RBM39: variants seen among roughly 807,000 people sequenced by gnomAD.
RBM39 encodes the protein RNA-binding protein 39.
In RBM39, 12 loss-of-function variants were observed where a neutral mutation model predicts 79.6. That is an observed-to-expected ratio of 0.15 (90% CI 0.10 to 0.24). RBM39 has a LOEUF of 0.24. Ranked by LOEUF, RBM39 falls within the 10% of genes least tolerant of loss-of-function variation. RBM39 has a pLI of 1.00. For synonymous variants in RBM39, 185 were observed against 208.4 expected, an observed-to-expected ratio of 0.89 and a Z score of 0.97; for missense variants, 243 against 653.4, an observed-to-expected ratio of 0.37 and a Z score of 6.85.
At chr20:35,737,883 GT>G (rs1362141419) in intron 3 of RBM39, among the ~76,000 whole-genome samples, 1 of 147,984 alleles carries the variant, frequency 6.8e-6, no homozygotes, top group African/African-American at 2.5e-5. Context: ...GCCAGGCGCG[GT>G]GGCTCACACC....
At chr20:35,727,774 C>G (rs1194855946) in intron 6 of RBM39, among the ~76,000 whole-genome samples, 1 of 152,076 alleles carries the variant, frequency 6.6e-6, no homozygotes, top group African/African-American at 2.4e-5. Flanking sequence ...CTCAGCCTCC[C>G]GAGTAGCTGG....
chr20:35,732,117 G>C lies in RBM39; in HGVS notation c.120C>G (p.Ser40Arg). Residue 40 changes from serine to arginine, a missense_variant, in exon 4 of 17, where the codon AGC (serine) becomes AGG (arginine). Around this residue, in one of 4 missense-constraint regions of RBM39, gnomAD observed 115 missense variants for 184.1 expected, o/e 0.62. Transcript: ENST00000253363. The stretch of plus-strand genomic sequence containing the variant: ...TCTTTCGTTCATGACTACGACTTCT[G>C]CTCTTGCTTTTTTTCCTCCTGAGAA... ...ERSKKRKKSK[S>R]RSRSHERKRS... 6.2e-7 allele frequency: 1 copy of C among 1,613,500 alleles called. No individual in the cohort carries two copies.
At position 35,703,319 on chromosome 20, in the gene RBM39, T is replaced by G. The variant is rs963423903; in HGVS notation, c.*1162A>C. 8 of 152,174 alleles carry G rather than the reference T, an allele frequency of 5.3e-5. No individual in the cohort carries two copies. In the East Asian group the frequency reaches 5.8e-4, roughly 11 times the overall value. The allele number at this position is 152,174 out of a possible 1,614,324, so 9.4% of individuals were successfully genotyped here. On this transcript the variant is annotated 3_prime_UTR_variant, in exon 17 of 17. Transcript: ENST00000253363. ...AGTATGTATTGTAAATGGTGAAAAT[T>G]TCTTCATAAATATGCCCAGACAATG...
At position 35,729,592 on chromosome 20, in the gene RBM39, C is replaced by G. The variant is rs896011071; in HGVS notation, c.297-65G>C. The G allele has an allele frequency of 8.6e-6, 12 of 1,401,462 alleles. No individual in the cohort carries two copies. In the East Asian group the frequency reaches 2.5e-4, roughly 29 times the overall value. The allele number at this position is 1,401,462 out of a possible 1,614,324, so 86.8% of individuals were successfully genotyped here. A position where few individuals can be genotyped will look rare whatever the true frequency, so the allele number is the denominator to read the frequency against. ...GGGTCTTGCTAAGATCGCATTCATGCGCTCTCCAGCAAGACTAACATTGTT... is the reference window on the plus strand; with the variant it reads ...GGGTCTTGCTAAGATCGCATTCATGGGCTCTCCAGCAAGACTAACATTGTT... On this transcript the variant is annotated intron_variant, in intron 4 of 16. Coordinates refer to ENST00000253363, the MANE Select transcript of RBM39 (RefSeq NM_184234.3).
At chr20:35,741,842 AC>A (rs1017907168) in intron 1 of RBM39, 98 bp downstream of exon 1, 1 of 157,156 alleles carries the variant, frequency 6.4e-6, no homozygotes, top group African/African-American at 2.4e-5. Context: ...ACCACCCCCC[AC>A]CCCGGTCGCT....
intron 13 of RBM39, chr20:35,707,430 C>A: frequency 3.1e-6 from 1 of 321,030 alleles, no homozygotes; most frequent in Non-Finnish European, 5.7e-6. Context: ...TTTGGGAGTC[C>A]TATTTTAACA....
rs545083224 is a variant in RBM39, at chr20:35,702,651, T to C, written c.*1830A>G. The C allele has an allele frequency of 6.6e-6, 1 of 152,398 alleles. No individual in the cohort carries two copies. Among genetic ancestry groups the C allele is most frequent in the East Asian group, 1.9e-4 (1 of 5,192 alleles). 9.4% of individuals were successfully genotyped at this position (152,398 alleles called of 1,614,324 possible). On this transcript the variant is annotated 3_prime_UTR_variant, in exon 17 of 17. Transcript: ENST00000253363. ...CTGGTATTGAAAAGTAAATTTTCAA[T>C]GAGGCTGGGCGCGGTGGCTCATGCC... is the stretch of plus-strand genomic sequence containing the variant.
chr20:35,719,252 G>A (rs898000661), intron 9 of RBM39, among the ~76,000 whole-genome samples: 14 of 152,038 alleles, frequency 9.2e-5, no homozygotes, highest in African/African-American at 2.4e-4. Context: ...GACTGGTCTC[G>A]AACTCCTCAC....
intron 2 of RBM39, chr20:35,739,858 G>A (rs1189541808): frequency 2.3e-5 from 4 of 176,336 alleles, no homozygotes; most frequent in Admixed American, 1.2e-4. Flanking sequence ...AAGGTTTAGT[G>A]AAATGTTTAT....
intron 3 of RBM39, chr20:35,734,989 T>G: frequency 6.8e-6 from 11 of 1,611,342 alleles, no homozygotes; most frequent in Non-Finnish European, 9.3e-6. Context: ...TTTGGACTTT[T>G]TGGTTATATG....
rs1402538244 is a variant in RBM39, at chr20:35,740,807, G to C, written c.51+17C>G. ...AATTAAGAAATATATAAACCTCACC[G>C]ACATGTTTTTTCTCACCTTCTTGTA... On this transcript the variant is annotated intron_variant, in intron 2 of 16. Transcript: ENST00000253363. 6.2e-7 allele frequency: 1 copy of C among 1,601,882 alleles called. No homozygotes were observed. Among genetic ancestry groups the C allele is most frequent in the South Asian group, 1.1e-5 (1 of 89,680 alleles).
At chr20:35,718,474 G>A (rs932321926) in intron 9 of RBM39, among the ~76,000 whole-genome samples, 47 of 152,048 alleles carry the variant, frequency 3.1e-4, no homozygotes, top group African/African-American at 1.0e-3. Context: ...TCAGGAGTTC[G>A]AGACCAGCCT....
intron 3 of RBM39, chr20:35,735,038 A>C: frequency 1.3e-6 from 2 of 1,589,882 alleles, no homozygotes; most frequent in Non-Finnish European, 1.7e-6. Context: ...ACTGGATTTG[A>C]CCTCTTCCAT....
chr20:35,702,905 T>G lies in RBM39; in HGVS notation c.*1576A>C, dbSNP rs909060539. 1 of 152,188 alleles carries G rather than the reference T, an allele frequency of 6.6e-6. No homozygotes were observed. Among genetic ancestry groups the G allele is most frequent in the Non-Finnish European group, 1.5e-5 (1 of 68,036 alleles). The allele number at this position is 152,188 out of a possible 1,614,324, so 9.4% of individuals were successfully genotyped here. A position where few individuals can be genotyped will look rare whatever the true frequency, so the allele number is the denominator to read the frequency against. On this transcript the variant is annotated 3_prime_UTR_variant, in exon 17 of 17. Transcript: ENST00000253363. ...GCCTGGGCCAAAGAGCAAGACTCCA[T>G]CTCAAAAAGAAAAAGAAATTGAACC...
Position 35,734,901 on chromosome 20 carries a change from G to C in RBM39, c.102-2766C>G. 4 of 1,561,480 alleles carry C rather than the reference G, an allele frequency of 2.6e-6. No homozygotes were observed. In the East Asian group the frequency reaches 6.8e-5, roughly 27 times the overall value. ...AGTCAAATCCTGTTACAACTTAAAA[G>C]GGACTTTCCAAAGTCTTTAATGGCA... On this transcript the variant is annotated intron_variant, in intron 3 of 16. Coordinates refer to ENST00000253363, the MANE Select transcript of RBM39 (RefSeq NM_184234.3).
intron 14 of RBM39, 106 bp from the exon 15 acceptor site, chr20:35,705,436 T>C: frequency 1.5e-6 from 1 of 684,198 alleles, no homozygotes; most frequent in Non-Finnish European, 2.3e-6. Flanking sequence ...AAAAAATACT[T>C]TGGAAAAAAA....
chr20:35,716,876 G>GT, intron 9 of RBM39, 71 bp from the exon 10 acceptor site: 1 of 1,050,580 alleles, frequency 9.5e-7, no homozygotes, highest in Non-Finnish European at 1.4e-6. Context: ...CTGAGACATG[G>GT]TTTTAAAAAT....
At chr20:35,709,156 A>G (rs1397832063) in intron 13 of RBM39, 68 bp downstream of exon 13, 4 of 1,395,618 alleles carry the variant, frequency 2.9e-6, no homozygotes, top group African/African-American at 2.9e-5. Flanking sequence ...ATAAATATAG[A>G]AAACTGTCTT....
chr20:35,703,935 ACAT>A lies in RBM39; in HGVS notation c.*543_*545del. Reference sequence around the variant, plus strand: ...TATTTACAAAGAAACTTTTACAGATACATTAATTGAAAAGATACCATCAAGAAA... The same window carrying A: ...TATTTACAAAGAAACTTTTACAGATATAATTGAAAAGATACCATCAAGAAA... On this transcript the variant is annotated 3_prime_UTR_variant, in exon 17 of 17. Transcript: ENST00000253363. 1 of 152,738 alleles carries A rather than the reference ACAT, an allele frequency of 6.5e-6. No individual in the cohort carries two copies. Among genetic ancestry groups the A allele is most frequent in the East Asian group, 1.9e-4 (1 of 5,196 alleles). The allele number at this position is 152,738 out of a possible 1,614,324, so 9.5% of individuals were successfully genotyped here.
Sources: allele counts gnomAD v4.1 joint callset (sites outside exome capture counted in the v4.1 genomes callset), GRCh38; gene constraint gnomAD v4.1.1; regional missense constraint gnomAD v4.1.1; transcripts MANE v1.5; gene names NCBI Gene and HGNC (gene_info 2026-07-23, HGNC 2026-07-21).